Variants in MKLN1 observed in about 807,000 individuals in gnomAD.
The protein encoded by MKLN1 is muskelin.
MKLN1 carries 18 observed loss-of-function variants against 99.0 expected under a neutral mutation model. That is an observed-to-expected ratio of 0.18 (90% CI 0.13 to 0.27). The LOEUF (loss-of-function observed/expected upper bound fraction) is 0.27, where lower values mean the gene tolerates loss of function less well. Ranked by LOEUF, MKLN1 falls within the 10% of genes least tolerant of loss-of-function variation. The probability of loss-of-function intolerance (pLI) is 1.00; values close to 1 mark genes in which losing one functional copy is unlikely to be tolerated. For synonymous variants in MKLN1, 288 were observed against 293.2 expected, an observed-to-expected ratio of 0.98 and a Z score of 0.18; for missense variants, 621 against 875.9, an observed-to-expected ratio of 0.71 and a Z score of 3.67.
At chr7:131,175,030 A>AGATGGATGGATG (rs66786066) in intron 2 of MKLN1, among the ~76,000 whole-genome samples, 3 of 148,244 alleles carry the variant, frequency 2.0e-5, no homozygotes, top group African/African-American at 5.0e-5. Context: ...ATAGATAGGC[A>AGATGGATGGATG]GATGGATGGA....
intron 1 of MKLN1, among the ~76,000 whole-genome samples, chr7:131,329,422 C>G (rs148417852): frequency 8.5e-5 from 13 of 152,286 alleles, no homozygotes; most frequent in Non-Finnish European, 1.8e-4. Context: ...GATAAACAGT[C>G]CAGCCATGTA....
At chr7:131,467,925 G>T (rs1796704888) in intron 15 of MKLN1, among the ~76,000 whole-genome samples, 1 of 152,186 alleles carries the variant, frequency 6.6e-6, no homozygotes, top group South Asian at 2.1e-4. Flanking sequence ...GTCTGTGAGA[G>T]ATGCAGGCGG....
intron 1 of MKLN1, among the ~76,000 whole-genome samples, chr7:131,339,574 C>G (rs1339502352): frequency 6.6e-6 from 1 of 152,028 alleles, no homozygotes; most frequent in Admixed American, 6.6e-5. Context: ...TGGTGCATGC[C>G]TGTGCTCCCA....
At chr7:131,441,189 C>A (rs1245007546) in intron 10 of MKLN1, among the ~76,000 whole-genome samples, 1 of 152,136 alleles carries the variant, frequency 6.6e-6, no homozygotes, top group Non-Finnish European at 1.5e-5. Flanking sequence ...AATTGAAGAT[C>A]TCAGCTCATT....
At chr7:131,263,368 T>TAATAATAATAATAATAAAAAA (rs373239401) in intron 3 of MKLN1, among the ~76,000 whole-genome samples, 4 of 140,348 alleles carry the variant, frequency 2.9e-5, no homozygotes, top group East Asian at 2.2e-4. Context: ...ATAATAATAA[T>TAATAATAATAATAATAAAAAA]AATAAAATTA....
At chr7:131,442,413 G>A (rs1048251116) in intron 10 of MKLN1, among the ~76,000 whole-genome samples, 12 of 152,122 alleles carry the variant, frequency 7.9e-5, no homozygotes, top group Admixed American at 7.9e-4. Flanking sequence ...CTGGCGTGGT[G>A]GCATATGCTG....
At chr7:131,309,242 CTT>C (rs140201618) in intron 3 of MKLN1, among the ~76,000 whole-genome samples, 1,990 of 152,252 alleles carry the variant, frequency 0.013, 52 homozygotes, top group African/African-American at 0.045. Flanking sequence ...TGAAATTTCT[CTT>C]GTCTTCTATT....
chr7:131,342,397 A>G (rs1799434764), intron 1 of MKLN1, among the ~76,000 whole-genome samples: 1 of 152,224 alleles, frequency 6.6e-6, no homozygotes, highest in Admixed American at 6.5e-5. Context: ...GTGTACAGAC[A>G]TGTACACACA....
At chr7:131,408,058 T>G (rs1236721211) in intron 6 of MKLN1, among the ~76,000 whole-genome samples, 1 of 152,160 alleles carries the variant, frequency 6.6e-6, no homozygotes, top group Non-Finnish European at 1.5e-5. Flanking sequence ...ATTTTCATAC[T>G]TACCTTCTAG....
At chr7:131,477,061 A>G (rs997539867) in intron 16 of MKLN1, among the ~76,000 whole-genome samples, 1 of 152,232 alleles carries the variant, frequency 6.6e-6, no homozygotes, top group Non-Finnish European at 1.5e-5. Context: ...TTAATTTAAG[A>G]TTGATTACAG....
intron 3 of MKLN1, among the ~76,000 whole-genome samples, chr7:131,322,241 C>G (rs569472615): frequency 3.9e-5 from 6 of 152,230 alleles, no homozygotes; most frequent in African/African-American, 1.4e-4. Flanking sequence ...TTTATCTTGT[C>G]TTAGATCTGA....
At chr7:131,121,527 A>G (rs550801994) in intron 1 of MKLN1, among the ~76,000 whole-genome samples, 1 of 150,498 alleles carries the variant, frequency 6.6e-6, no homozygotes, top group East Asian at 1.9e-4. Context: ...AGTCCCAGCT[A>G]CTCGGGAGGC....
intron 2 of MKLN1, among the ~76,000 whole-genome samples, chr7:131,196,908 C>T (rs1796655026): frequency 6.6e-6 from 1 of 152,142 alleles, no homozygotes; most frequent in Non-Finnish European, 1.5e-5. Context: ...ACACCCCTCT[C>T]CCTGGTCAAG....
intron 3 of MKLN1, among the ~76,000 whole-genome samples, chr7:131,245,510 C>G (rs1471307181): frequency 6.6e-6 from 1 of 152,050 alleles, no homozygotes; most frequent in Non-Finnish European, 1.5e-5. Flanking sequence ...TCAGGTGATC[C>G]GCGCCCCCCG....
intron 4 of MKLN1, among the ~76,000 whole-genome samples, chr7:131,391,028 G>GT (rs1203618291): frequency 6.6e-6 from 1 of 151,402 alleles, no homozygotes; most frequent in African/African-American, 2.4e-5. Flanking sequence ...GGTCAGCAGT[G>GT]TATTTGCTTC....
At chr7:131,262,811 G>A (rs576967685) in intron 3 of MKLN1, among the ~76,000 whole-genome samples, 1 of 152,152 alleles carries the variant, frequency 6.6e-6, no homozygotes, top group South Asian at 2.1e-4. Context: ...CTCCCAAAGT[G>A]CTGGGATTAC....
chr7:131,167,232 T>G (rs1222706645), intron 2 of MKLN1, among the ~76,000 whole-genome samples: 1 of 152,172 alleles, frequency 6.6e-6, no homozygotes, highest in African/African-American at 2.4e-5. Flanking sequence ...GAGTACACCA[T>G]TACACCATTC....
chr7:131,372,631 TG>T (rs1418030862), intron 1 of MKLN1, among the ~76,000 whole-genome samples: 1 of 151,994 alleles, frequency 6.6e-6, no homozygotes, highest in Non-Finnish European at 1.5e-5. Flanking sequence ...TGTACAGACA[TG>T]TTATAATTTA....
Position 131,237,251 on chromosome 7 carries a change from G to A in MKLN1, c.-179+34277G>A, listed in dbSNP as rs78439309. Among the ~76,000 whole-genome samples the A allele has an allele frequency of 1.7e-4, 26 of 152,248 alleles. No individual in the cohort carries two copies. In the East Asian group the frequency reaches 3.3e-3, roughly 19 times the overall value. On this transcript the variant is annotated intron_variant, in intron 3 of 7. Transcript: ENST00000416992. ...TTTCATGTTGTTTGATGAGTTTAAC[G>A]TTTCCAGGCGGATTTACATTCCCAT...
Sources: gnomAD v4.1 joint callset for allele counts (sites outside exome capture counted in the v4.1 genomes callset) on GRCh38, gnomAD v4.1.1 for gene constraint, MANE v1.5 for transcripts, NCBI Gene and HGNC (gene_info 2026-07-23, HGNC 2026-07-21) for gene names.